Variants in EPS15L1 observed in about 807,000 individuals in gnomAD.
EPS15L1 encodes epidermal growth factor receptor pathway substrate 15 like 1.
EPS15L1 carries 43 observed loss-of-function variants against 117.1 expected under a neutral mutation model. That is an observed-to-expected ratio of 0.37 (90% CI 0.29 to 0.47). The LOEUF (loss-of-function observed/expected upper bound fraction) is 0.47, where lower values mean the gene tolerates loss of function less well. Among genes scored for constraint, EPS15L1 ranks in the 20% least tolerant of loss-of-function variants. EPS15L1 has a pLI of 0.99. For missense variants in EPS15L1, 981 were observed against 1,164.0 expected (o/e 0.84, Z 2.29); for synonymous variants, 459 against 470.5 (o/e 0.98, Z 0.32).
intron 7 of EPS15L1, 91 bp downstream of exon 7, chr19:16,434,274 G>A: frequency 1.3e-6 from 2 of 1,498,140 alleles, no homozygotes; most frequent in Non-Finnish European, 9.0e-7. Context: ...CAGAGCAAGA[G>A]CCTTGTAAGC....
intron 1 of EPS15L1, among the ~76,000 whole-genome samples, chr19:16,445,733 C>T (rs530398360): frequency 6.6e-6 from 1 of 152,172 alleles, no homozygotes; most frequent in Non-Finnish European, 1.5e-5. Context: ...AGCTGCCCAC[C>T]CATGTCTGAC....
chr19:16,421,587 A>C, intron 9 of EPS15L1, 111 bp from the exon 10 acceptor site: 1 of 1,117,478 alleles, frequency 8.9e-7, no homozygotes, highest in Non-Finnish European at 1.3e-6. Context: ...TTGGCATCAA[A>C]CTCTCCTCAC....
At chr19:16,463,848 A>C in intron 1 of EPS15L1, among the ~76,000 whole-genome samples, 1 of 152,364 alleles carries the variant, frequency 6.6e-6, no homozygotes, top group Admixed American at 6.5e-5. Flanking sequence ...AGCTGATATG[A>C]AAAGGTGTAG....
chr19:16,395,189 A>T (rs1483678772), intron 17 of EPS15L1, among the ~76,000 whole-genome samples, 155 bp downstream of exon 17: 1 of 145,528 alleles, frequency 6.9e-6, no homozygotes, highest in East Asian at 2.0e-4. Context: ...CAAGAGAGCG[A>T]GAGTTCGTCT....
At chr19:16,422,319 T>C (rs576040015) in intron 9 of EPS15L1, among the ~76,000 whole-genome samples, 7 of 152,320 alleles carry the variant, frequency 4.6e-5, no homozygotes, top group Admixed American at 2.0e-4. Flanking sequence ...TTCCGTGGCC[T>C]ACTCCACCTG....
At chr19:16,392,524 G>A (rs1336595296) in intron 18 of EPS15L1, 84 bp from the exon 19 acceptor site, 15 of 1,310,694 alleles carry the variant, frequency 1.1e-5, no homozygotes, top group South Asian at 2.6e-5. Context: ...GAATGATGCC[G>A]TTTACATGAA....
At chr19:16,442,860 G>C (rs944972188) in intron 1 of EPS15L1, among the ~76,000 whole-genome samples, 1 of 152,216 alleles carries the variant, frequency 6.6e-6, no homozygotes, top group Non-Finnish European at 1.5e-5. Context: ...AGACATCGCT[G>C]TTTGGAGGTC....
In EPS15L1 at chr19:16,446,198, T is replaced by C. The variant is rs2093081919; in HGVS notation, c.34-3979A>G. Reference sequence around the variant, plus strand: ...AACTGTAACCCAGGACAACAGCAGTTGAGATGGAGAAACCCAGCAGAACCA... The same window carrying C: ...AACTGTAACCCAGGACAACAGCAGTCGAGATGGAGAAACCCAGCAGAACCA... On this transcript the variant is annotated intron_variant, in intron 1 of 23. Transcript: ENST00000455140. Among the ~76,000 whole-genome samples, 3 of 152,092 alleles carry C rather than the reference T, an allele frequency of 2.0e-5. No individual in the cohort carries two copies. In the South Asian group the frequency reaches 6.2e-4, roughly 32 times the overall value.
intron 1 of EPS15L1, among the ~76,000 whole-genome samples, chr19:16,460,232 C>T (rs1240202622): frequency 6.6e-6 from 1 of 152,072 alleles, no homozygotes; most frequent in Non-Finnish European, 1.5e-5. Flanking sequence ...TGCAGTGAGC[C>T]GTGATGGCAC....
At position 16,376,618 on chromosome 19, in the gene EPS15L1, T is replaced by C. The variant is rs370650916; in HGVS notation, c.2380+504A>G. 7.2e-5 allele frequency among the ~76,000 whole-genome samples: 11 copies of C among 152,248 alleles called. No individual in the cohort carries two copies. In the South Asian group the frequency reaches 2.1e-3, roughly 29 times the overall value. On this transcript the variant is annotated intron_variant, in intron 22 of 23. Coordinates refer to ENST00000455140, the MANE Select transcript of EPS15L1 (RefSeq NM_001258374.3). ...CCACCAAGGACAATCTCCCGCTCCC[T>C]CCACTCTCAGTCCTGAAGCAGCTGG...
intron 13 of EPS15L1, among the ~76,000 whole-genome samples, chr19:16,406,367 G>A (rs1193992105): frequency 6.6e-6 from 1 of 152,230 alleles, no homozygotes; most frequent in African/African-American, 2.4e-5. Context: ...GAGTGTGCCA[G>A]GAAGGGAAGA....
At chr19:16,466,330 T>C (rs1208701578) in intron 1 of EPS15L1, among the ~76,000 whole-genome samples, 1 of 152,064 alleles carries the variant, frequency 6.6e-6, no homozygotes, top group Non-Finnish European at 1.5e-5. Flanking sequence ...ATCTATGATG[T>C]TTTCTTTACT....
At chr19:16,440,192 G>A (rs1375909394) in intron 4 of EPS15L1, among the ~76,000 whole-genome samples, 1 of 152,098 alleles carries the variant, frequency 6.6e-6, no homozygotes, top group Non-Finnish European at 1.5e-5. Context: ...CAGCAGTTTG[G>A]GAGGCCGAGG....
chr19:16,447,203 A>G (rs1164948770), intron 1 of EPS15L1, among the ~76,000 whole-genome samples: 1 of 152,116 alleles, frequency 6.6e-6, no homozygotes, highest in Non-Finnish European at 1.5e-5. Context: ...AAAACATTCA[A>G]AAGGCATCAG....
chr19:16,410,647 T>C (rs1053170115), intron 13 of EPS15L1, among the ~76,000 whole-genome samples: 15 of 152,184 alleles, frequency 9.9e-5, no homozygotes, highest in Non-Finnish European at 1.9e-4. Context: ...TGGTGGCTCA[T>C]GCCTGTAATC....
intron 1 of EPS15L1, among the ~76,000 whole-genome samples, chr19:16,449,400 A>G (rs1190213289): frequency 6.6e-6 from 1 of 152,188 alleles, no homozygotes; most frequent in African/African-American, 2.4e-5. Flanking sequence ...CATTAGCAAA[A>G]AGAAGAATGC....
In EPS15L1 at chr19:16,436,226, G is replaced by T. The variant is rs188453940; in HGVS notation, c.372+711C>A. The stretch of plus-strand genomic sequence containing the variant: ...GGGACCTTTATTTGAGAGCAAGAGT[G>T]TTATTCATGTCAGGATTTAAGCCAC... On this transcript the variant is annotated intron_variant, in intron 6 of 23. Transcript: ENST00000455140. Among the ~76,000 whole-genome samples, 6 of 152,308 alleles carry T rather than the reference G, an allele frequency of 3.9e-5. No individual in the cohort carries two copies. The East Asian group carries it at 1.2e-3, about 29-fold the overall frequency.
At chr19:16,428,965 A>C (rs2092904443) in intron 7 of EPS15L1, among the ~76,000 whole-genome samples, 1 of 152,180 alleles carries the variant, frequency 6.6e-6, no homozygotes, top group Admixed American at 6.5e-5. Flanking sequence ...GTGGTCTGAC[A>C]ATCATCATGA....
In EPS15L1 at chr19:16,425,207, A is replaced by ACGGCGC; in HGVS notation, c.662_667dup (p.Gly221_Ala222dup). Reference sequence around the variant, plus strand: ...TGGGGGGCTGGCAGGCAGGACGGGGACGGCGCCAGGGAACACAGTCTTCTT... The same window carrying ACGGCGC: ...TGGGGGGCTGGCAGGCAGGACGGGGACGGCGCCGGCGCCAGGGAACACAGTCTTCTT... On this transcript the variant is annotated inframe_insertion, in exon 9 of 24. Coordinates refer to ENST00000455140, the MANE Select transcript of EPS15L1 (RefSeq NM_001258374.3). The ACGGCGC allele has an allele frequency of 6.3e-7, 1 of 1,590,482 alleles. No individual in the cohort carries two copies. Among genetic ancestry groups the ACGGCGC allele is most frequent in the Non-Finnish European group, 8.6e-7 (1 of 1,167,062 alleles).
Sources: gnomAD v4.1 joint callset for allele counts (sites outside exome capture counted in the v4.1 genomes callset) on GRCh38, gnomAD v4.1.1 for gene constraint, MANE v1.5 for transcripts, NCBI Gene and HGNC (gene_info 2026-07-23, HGNC 2026-07-21) for gene names.